Variants in ZBTB20 observed in about 807,000 individuals in gnomAD.
The protein encoded by ZBTB20 is zinc finger and BTB domain-containing protein 20.
A neutral mutation model predicts 56.9 loss-of-function variants in ZBTB20; 9 were observed. The observed-to-expected ratio is 0.16, with a 90% CI of 0.10 to 0.28. The LOEUF (loss-of-function observed/expected upper bound fraction) is 0.28. Ranked by LOEUF, ZBTB20 falls within the 10% of genes least tolerant of loss-of-function variation. The probability of loss-of-function intolerance (pLI) is 1.00; values close to 1 mark genes in which losing one functional copy is unlikely to be tolerated. For synonymous variants in ZBTB20, 417 were observed against 420.7 expected, an observed-to-expected ratio of 0.99 and a Z score of 0.11; for missense variants, 655 against 1,003.0, an observed-to-expected ratio of 0.65 and a Z score of 4.69.
At chr3:115,119,844 C>T (rs2084130218) in intron 1 of ZBTB20, among the ~76,000 whole-genome samples, 1 of 152,078 alleles carries the variant, frequency 6.6e-6, no homozygotes, top group Admixed American at 6.5e-5. Context: ...CTGTGAATTA[C>T]TTATATGACA....
chr3:114,365,868 C>A (rs369689957), intron 10 of ZBTB20, among the ~76,000 whole-genome samples: 2 of 152,096 alleles, frequency 1.3e-5, no homozygotes, highest in East Asian at 1.9e-4. Context: ...TTTTCTGTTT[C>A]CCCAGCATGA....
At chr3:114,729,956 A>ATTTTTTTTTTTT (rs1229757252) in intron 5 of ZBTB20, among the ~76,000 whole-genome samples, 2 of 119,450 alleles carry the variant, frequency 1.7e-5, no homozygotes, top group African/African-American at 6.6e-5. Context: ...CATCCGGCTA[A>ATTTTTTTTTTTT]TTTTTTTTTT....
intron 2 of ZBTB20, among the ~76,000 whole-genome samples, chr3:114,988,282 G>A (rs1198922630): frequency 3.6e-5 from 5 of 137,536 alleles, no homozygotes; most frequent in East Asian, 4.3e-4. Flanking sequence ...CCCGGGGTGT[G>A]ATGTTCCCCT....
intron 10 of ZBTB20, among the ~76,000 whole-genome samples, chr3:114,363,846 T>A (rs1201721379): frequency 6.6e-6 from 1 of 152,230 alleles, no homozygotes; most frequent in Non-Finnish European, 1.5e-5. Context: ...AATCACTTAC[T>A]GCTCCCTAAA....
At chr3:115,141,962 A>T (rs1051195879) in intron 1 of ZBTB20, among the ~76,000 whole-genome samples, 1 of 152,232 alleles carries the variant, frequency 6.6e-6, no homozygotes, top group Admixed American at 6.5e-5. Context: ...TTAGGTGGAT[A>T]TAAGGTTCCA....
intron 4 of ZBTB20, among the ~76,000 whole-genome samples, chr3:114,894,346 C>T (rs1160003803): frequency 6.6e-6 from 1 of 152,008 alleles, no homozygotes; most frequent in Non-Finnish European, 1.5e-5. Context: ...TATACATATA[C>T]ACTCACATAA....
At chr3:114,751,174 A>G (rs2067531286) in intron 5 of ZBTB20, among the ~76,000 whole-genome samples, 1 of 152,138 alleles carries the variant, frequency 6.6e-6, no homozygotes, top group African/African-American at 2.4e-5. Flanking sequence ...ATGAGCTTAT[A>G]GCCATTATAC....
In ZBTB20 at chr3:114,381,810, G is replaced by A. The variant is rs148728708; in HGVS notation, c.-153-870C>T. On this transcript the variant is annotated intron_variant, in intron 8 of 11. Transcript: ENST00000675478. ...ATAAAATCTGTTTCTTCAGAGGGCA[G>A]GAGGCAGAGATGGCATGGCAAAGAT... Among the ~76,000 whole-genome samples, 1,389 of 152,332 alleles carry A rather than the reference G, an allele frequency of 9.1e-3. 11 individuals are homozygous for A. The highest frequency in any genetic ancestry group is 0.061 in the Middle Eastern group (18 of 294).
intron 7 of ZBTB20, among the ~76,000 whole-genome samples, chr3:114,444,153 G>A (rs994462610): frequency 1.3e-5 from 2 of 152,124 alleles, no homozygotes; most frequent in African/African-American, 4.8e-5. Context: ...CTCATACTTT[G>A]ATAAGATAGT....
chr3:114,359,729 G>A (rs942033809), intron 10 of ZBTB20, among the ~76,000 whole-genome samples: 1 of 152,176 alleles, frequency 6.6e-6, no homozygotes, highest in Non-Finnish European at 1.5e-5. Context: ...TCACAAATTT[G>A]TGCTGTTTGA....
At chr3:114,812,136 C>T (rs946746361) in intron 4 of ZBTB20, among the ~76,000 whole-genome samples, 4 of 152,172 alleles carry the variant, frequency 2.6e-5, no homozygotes, top group Non-Finnish European at 5.9e-5. Context: ...AAGAACAAAG[C>T]TTCCACAGTG....
rs578180047 is a variant in ZBTB20, at chr3:114,748,545, G to A, written c.-343+52556C>T. On this transcript the variant is annotated intron_variant, in intron 5 of 11. Coordinates refer to ENST00000675478, the MANE Select transcript of ZBTB20 (RefSeq NM_001348800.3). ...CCTGTTGTGGCAAAGTTACTAACTA[G>A]TCTACACTAACTCTCAGTCCTTGCT... Among the ~76,000 whole-genome samples, 3 of 151,968 alleles carry A rather than the reference G, an allele frequency of 2.0e-5. No individual in the cohort carries two copies. In the East Asian group the frequency reaches 5.8e-4, roughly 29 times the overall value.
In ZBTB20 at chr3:114,351,692, A is replaced by G; in HGVS notation, c.386T>C (p.Phe129Ser). 1 of 1,614,082 alleles carries G rather than the reference A, an allele frequency of 6.2e-7. No individual in the cohort carries two copies. Among genetic ancestry groups the G allele is most frequent in the Non-Finnish European group, 8.5e-7 (1 of 1,180,024 alleles). ...GTAGCCAAGCAGCAGTTTGTCCTGGAAGAAGGGGCTGCCGGCTGCCAGCAC... is the reference window on the plus strand; with the variant it reads ...GTAGCCAAGCAGCAGTTTGTCCTGGGAGAAGGGGCTGCCGGCTGCCAGCAC... ...RCVLAAGSPF[F>S]QDKLLLGYSD... The change falls in exon 11 of 12, where the codon TTC becomes TCC. Residue 129 changes from phenylalanine to serine, a missense_variant. Transcript: ENST00000675478.
chr3:114,807,569 C>G (rs995615639), intron 4 of ZBTB20, among the ~76,000 whole-genome samples: 8 of 151,936 alleles, frequency 5.3e-5, no homozygotes, highest in Non-Finnish European at 1.2e-4. Context: ...AACTGACAAC[C>G]TTGCCTCTTT....
chr3:114,387,043 G>A (rs1461917187), intron 8 of ZBTB20, among the ~76,000 whole-genome samples: 1 of 152,024 alleles, frequency 6.6e-6, no homozygotes, highest in Non-Finnish European at 1.5e-5. Flanking sequence ...AAATGACTGA[G>A]TAAATATACT....
At chr3:114,757,655 C>T (rs1198199448) in intron 5 of ZBTB20, among the ~76,000 whole-genome samples, 1 of 152,024 alleles carries the variant, frequency 6.6e-6, no homozygotes, top group Non-Finnish European at 1.5e-5. Flanking sequence ...GGGAATTAAA[C>T]CTTTAAAAAA....
At chr3:114,761,839 A>G (rs552078275) in intron 5 of ZBTB20, among the ~76,000 whole-genome samples, 1 of 152,116 alleles carries the variant, frequency 6.6e-6, no homozygotes, top group Non-Finnish European at 1.5e-5. Context: ...ATCTCAAAAA[A>G]AAAGAAAAAA....
At chr3:114,696,431 T>TA (rs1031392065) in intron 5 of ZBTB20, among the ~76,000 whole-genome samples, 1 of 151,950 alleles carries the variant, frequency 6.6e-6, no homozygotes, top group African/African-American at 2.4e-5. Flanking sequence ...CTGGTTGTAT[T>TA]AAAAACAATC....
At chr3:114,483,508 A>G (rs924891266) in intron 7 of ZBTB20, among the ~76,000 whole-genome samples, 2 of 152,066 alleles carry the variant, frequency 1.3e-5, no homozygotes, top group Non-Finnish European at 2.9e-5. Context: ...ACCTTCTTTA[A>G]GTGAATATGT....
Sources: allele counts gnomAD v4.1 joint callset (sites outside exome capture counted in the v4.1 genomes callset), GRCh38; gene constraint gnomAD v4.1.1; transcripts MANE v1.5; gene names NCBI Gene and HGNC (gene_info 2026-07-23, HGNC 2026-07-21).